The following CAST variants were observed in gnomAD, a reference collection of about 807,000 sequenced individuals.
The protein encoded by CAST is MIR583 host.
Under a neutral mutation model 119.6 loss-of-function variants are expected in CAST, and 76 were observed. The ratio of observed to expected loss-of-function variants is 0.64; its 90% CI spans 0.53 to 0.77. CAST has a LOEUF of 0.77. CAST is among the 30% of genes least tolerant of loss of function. The pLI is 0.00. For missense variants in CAST, 953 were observed against 946.5 expected (o/e 1.01, Z -0.09); for synonymous variants, 319 against 331.6 (o/e 0.96, Z 0.41).
chr5:96,544,188 A>G (rs1345506366), intron 1 of CAST, among the ~76,000 whole-genome samples: 1 of 152,220 alleles, frequency 6.6e-6, no homozygotes, highest in Non-Finnish European at 1.5e-5. Context: ...CTTCCAATCC[A>G]TGAACATGGA....
At chr5:96,638,683 C>T (rs1202810859) in intron 1 of CAST, among the ~76,000 whole-genome samples, 1 of 152,156 alleles carries the variant, frequency 6.6e-6, no homozygotes, top group African/African-American at 2.4e-5. Context: ...ATAAGCAGCT[C>T]AACTCTCAAA....
the CAST span, among the ~76,000 whole-genome samples, chr5:96,158,344 A>G: frequency 1.3e-5 from 2 of 152,278 alleles, no homozygotes; most frequent in East Asian, 3.9e-4. Context: ...GTCTGTCAGC[A>G]ACAGCCTTTG....
At chr5:96,389,116 GAGA>G in the CAST span, among the ~76,000 whole-genome samples, 1 of 152,146 alleles carries the variant, frequency 6.6e-6, no homozygotes, top group East Asian at 1.9e-4. Flanking sequence ...GGGAAATGGG[GAGA>G]TATAGGTCAA....
intron 1 of CAST, among the ~76,000 whole-genome samples, chr5:96,634,199 G>C (rs556247493): frequency 2.0e-5 from 3 of 152,298 alleles, no homozygotes; most frequent in South Asian, 2.1e-4. Flanking sequence ...CTTTTGTGGA[G>C]TGTGTATATT....
the CAST span, among the ~76,000 whole-genome samples, chr5:96,177,791 C>G: frequency 6.6e-6 from 1 of 152,262 alleles, no homozygotes; most frequent in East Asian, 1.9e-4. Context: ...ATCAATTTCT[C>G]CTTAGCAAGC....
intron 1 of CAST, among the ~76,000 whole-genome samples, chr5:96,648,744 G>GT (rs1748055641): frequency 6.7e-6 from 1 of 149,070 alleles, no homozygotes; most frequent in African/African-American, 2.5e-5. Flanking sequence ...GTGTGTGTGT[G>GT]GTGTAATAAG....
chr5:96,749,499 T>G (rs1764497746), intron 19 of CAST, among the ~76,000 whole-genome samples: 1 of 152,202 alleles, frequency 6.6e-6, no homozygotes, highest in Non-Finnish European at 1.5e-5. Flanking sequence ...AGTCTAGATT[T>G]AAAACAATTT....
chr5:96,058,319 G>A, the CAST span, among the ~76,000 whole-genome samples: 1 of 152,088 alleles, frequency 6.6e-6, no homozygotes, highest in East Asian at 1.9e-4. Flanking sequence ...CTATTGCTTT[G>A]AGGATGGGCC....
chr5:96,747,800 C>T (rs1764092375), intron 18 of CAST, among the ~76,000 whole-genome samples: 2 of 152,254 alleles, frequency 1.3e-5, no homozygotes, highest in African/African-American at 4.8e-5. Context: ...TGGCACTGCA[C>T]CAAATGCTTT....
chr5:96,087,594 A>AT, the CAST span, among the ~76,000 whole-genome samples: 10 of 152,082 alleles, frequency 6.6e-5, no homozygotes, highest in African/African-American at 1.2e-4. Context: ...GTTCCAAATT[A>AT]TTTTTTTCTC....
chr5:96,195,976 G>C, the CAST span, among the ~76,000 whole-genome samples: 2 of 152,086 alleles, frequency 1.3e-5, no homozygotes, highest in South Asian at 4.1e-4. Context: ...TCAATAGTTA[G>C]AGTGACTATT....
At chr5:96,415,312 T>C in the CAST span, among the ~76,000 whole-genome samples, 1 of 152,140 alleles carries the variant, frequency 6.6e-6, no homozygotes, top group Non-Finnish European at 1.5e-5. Flanking sequence ...TAGAAGTGGC[T>C]CTGTTGTTGT....
At chr5:96,620,078 A>G (rs1344121727) in intron 1 of CAST, among the ~76,000 whole-genome samples, 1 of 152,236 alleles carries the variant, frequency 6.6e-6, no homozygotes, top group Non-Finnish European at 1.5e-5. Context: ...GGCAGTAAGG[A>G]GAATGGCAAT....
the CAST span, among the ~76,000 whole-genome samples, chr5:96,433,607 G>C: frequency 1.3e-5 from 2 of 152,000 alleles, no homozygotes; most frequent in Non-Finnish European, 1.5e-5. Flanking sequence ...GTGGCGGGGA[G>C]GGGGGGAGGC....
chr5:96,762,606 A>G (rs946587286), intron 25 of CAST: 2 of 422,066 alleles, frequency 4.7e-6, no homozygotes, highest in Non-Finnish European at 8.4e-6. Flanking sequence ...AAGGACCTTA[A>G]TATTATTGTT....
intron 31 of CAST, 33 bp from the exon 32 acceptor site, chr5:96,772,607 G>A (rs767935124): frequency 1.3e-5 from 2 of 152,674 alleles, no homozygotes; most frequent in African/African-American, 4.8e-5. Flanking sequence ...CATATTAAAT[G>A]ATTCACTGCA....
chr5:96,318,075 A>G, the CAST span, among the ~76,000 whole-genome samples: 1 of 152,192 alleles, frequency 6.6e-6, no homozygotes, highest in African/African-American at 2.4e-5. Flanking sequence ...GAGCAGTAAA[A>G]TATCTAGGCA....
At chr5:96,523,959 C>T (rs1745558538), upstream of CAST, among the ~76,000 whole-genome samples, 1 of 152,230 alleles carries the variant, frequency 6.6e-6, no homozygotes, top group Non-Finnish European at 1.5e-5. Flanking sequence ...GTATCCCCGT[C>T]TCCAGCTTAA....
the CAST span, among the ~76,000 whole-genome samples, chr5:96,485,535 G>T: frequency 6.6e-6 from 1 of 152,084 alleles, no homozygotes; most frequent in Non-Finnish European, 1.5e-5. Flanking sequence ...AAGGCAGTGG[G>T]TACCAAAAGT....
Sources: gnomAD v4.1 joint callset for allele counts (sites outside exome capture counted in the v4.1 genomes callset) on GRCh38, gnomAD v4.1.1 for gene constraint, MANE v1.5 for transcripts, NCBI Gene and HGNC (gene_info 2026-07-23, HGNC 2026-07-21) for gene names.